The following FUT9 variants were observed in gnomAD, a reference collection of about 807,000 sequenced individuals.
The protein encoded by FUT9 is 4-galactosyl-N-acetylglucosaminide 3-alpha-L-fucosyltransferase 9.
Under a neutral mutation model 29.7 loss-of-function variants are expected in FUT9, and 15 were observed. The ratio of observed to expected loss-of-function variants is 0.51; its 90% CI spans 0.34 to 0.78. The LOEUF (loss-of-function observed/expected upper bound fraction) is 0.78. Ranked by LOEUF, FUT9 falls within the 30% of genes least tolerant of loss-of-function variation. The pLI, the probability that FUT9 is intolerant of heterozygous loss-of-function variation, is 0.01. For missense variants in FUT9, 319 were observed against 425.4 expected (o/e 0.75, Z 2.20); for synonymous variants, 169 against 153.7 (o/e 1.10, Z -0.74).
chr6:96,101,310 G>A (rs908168642), intron 1 of FUT9, among the ~76,000 whole-genome samples: 4 of 152,010 alleles, frequency 2.6e-5, no homozygotes, highest in African/African-American at 7.2e-5. Context: ...AGGCCAAGGT[G>A]GGTGGATCAC....
In FUT9 at chr6:96,214,068, T is replaced by C. The variant is rs1773990616; in HGVS notation, c.*9833T>C. The C allele has an allele frequency of 6.0e-6, 1 of 167,002 alleles. No individual in the cohort carries two copies. The highest frequency in any genetic ancestry group is 2.4e-5 in the African/African-American group (1 of 41,456). 10.3% of individuals were successfully genotyped at this position (167,002 alleles called of 1,614,324 possible). ...ATAGTGCTAATGAGCCAATAAACAA[T>C]GCTGCGTTTCTTTTTTCTAACTGCA... On this transcript the variant is annotated 3_prime_UTR_variant, in exon 3 of 3. Transcript: ENST00000302103.
intron 1 of FUT9, among the ~76,000 whole-genome samples, chr6:96,047,221 T>C (rs1381759755): frequency 2.6e-5 from 4 of 152,192 alleles, no homozygotes; most frequent in African/African-American, 9.7e-5. Context: ...AGTAGTGTTA[T>C]CCAATTATAG....
rs1210153939 is a variant in FUT9 at position 96,203,474 on chromosome 6, C to T, written c.319C>T (p.Leu107=). ...ACTGTACAACAAATCCCATGCAGTT[C>T]TGATCCATCACCGAGACATCAGTTG... ...RSLYNKSHAV[L]IHHRDISWDL... Residue 107 remains leucine, a synonymous_variant, in exon 3 of 3, where the codon CTG becomes TTG. Coordinates refer to ENST00000302103, the MANE Select transcript of FUT9 (RefSeq NM_006581.4). 1.2e-6 allele frequency: 2 copies of T among 1,609,754 alleles called. No individual in the cohort carries two copies. The highest frequency in any genetic ancestry group is 1.7e-6 in the Non-Finnish European group (2 of 1,177,758).
chr6:96,076,189 AT>A, intron 1 of FUT9, among the ~76,000 whole-genome samples: 1 of 152,292 alleles, frequency 6.6e-6, no homozygotes, highest in Middle Eastern at 3.4e-3. Flanking sequence ...GCATGTTTGC[AT>A]TTTCTACACC....
At chr6:96,022,008 C>T (rs1770077939) in intron 1 of FUT9, among the ~76,000 whole-genome samples, 1 of 151,936 alleles carries the variant, frequency 6.6e-6, no homozygotes, top group African/African-American at 2.4e-5. Context: ...AACTTGTTGA[C>T]TGTTTTATGA....
intron 2 of FUT9, among the ~76,000 whole-genome samples, chr6:96,191,878 G>C (rs1773517645): frequency 6.6e-6 from 1 of 152,084 alleles, no homozygotes; most frequent in East Asian, 1.9e-4. Flanking sequence ...TTCATCCCTG[G>C]GATGCAAGGC....
chr6:96,073,342 G>A (rs956221422), intron 1 of FUT9, among the ~76,000 whole-genome samples: 9 of 151,884 alleles, frequency 5.9e-5, no homozygotes, highest in East Asian at 3.9e-4. Context: ...CCAGCTACTC[G>A]GGAGGCTGAG....
At chr6:96,161,075 A>G (rs183983209) in intron 2 of FUT9, among the ~76,000 whole-genome samples, 8 of 152,314 alleles carry the variant, frequency 5.3e-5, no homozygotes, top group Admixed American at 2.6e-4. Context: ...AAGAGTAGAA[A>G]CAGTAATTGG....
chr6:96,191,158 G>T (rs540653700), intron 2 of FUT9, among the ~76,000 whole-genome samples: 1 of 152,046 alleles, frequency 6.6e-6, no homozygotes, highest in African/African-American at 2.4e-5. Context: ...GTTTGCTGGA[G>T]GTCCACTCTA....
rs1191232746 is a variant in FUT9, at chr6:96,208,375, GA to G, written c.*4141del. The G allele has an allele frequency of 6.0e-6, 1 of 166,416 alleles. No homozygotes were observed. Among genetic ancestry groups the G allele is most frequent in the Non-Finnish European group, 1.5e-5 (1 of 67,940 alleles). 10.3% of individuals were successfully genotyped at this position (166,416 alleles called of 1,614,324 possible). ...TTCCCTTGAACTCTGATCTCATTTT[GA>G]GAAACATTTTGAGAAACTTCTTAAC... On this transcript the variant is annotated 3_prime_UTR_variant, in exon 3 of 3. Coordinates refer to ENST00000302103, the MANE Select transcript of FUT9 (RefSeq NM_006581.4).
At chr6:96,067,239 A>T (rs4269378) in intron 1 of FUT9, among the ~76,000 whole-genome samples, 1 of 150,702 alleles carries the variant, frequency 6.6e-6, no homozygotes, top group Non-Finnish European at 1.5e-5. Flanking sequence ...GTATACGCAC[A>T]TACTCATGTT....
intron 1 of FUT9, among the ~76,000 whole-genome samples, chr6:96,104,488 A>T (rs1433404216): frequency 6.6e-6 from 1 of 152,208 alleles, no homozygotes; most frequent in Non-Finnish European, 1.5e-5. Context: ...ATTGATGAAA[A>T]ATGTTGGCAG....
chr6:96,164,425 A>T lies in FUT9; in HGVS notation c.-8-38723A>T, dbSNP rs550075771. ...AGGCGCCTGCCACCGCTCCCGGCTA[A>T]TTTTTTGTATTTGTAGCAGAGATGG... is the stretch of plus-strand genomic sequence containing the variant. On this transcript the variant is annotated intron_variant, in intron 2 of 2. Coordinates refer to ENST00000302103, the MANE Select transcript of FUT9 (RefSeq NM_006581.4). 1.5e-3 allele frequency among the ~76,000 whole-genome samples: 233 copies of T among 151,898 alleles called. 2 individuals carry two copies. The highest frequency in any genetic ancestry group is 6.8e-3 in the Middle Eastern group (2 of 294).
intron 2 of FUT9, among the ~76,000 whole-genome samples, chr6:96,197,715 T>G (rs1422548812): frequency 6.6e-6 from 1 of 152,194 alleles, no homozygotes; most frequent in Non-Finnish European, 1.5e-5. Context: ...AGGGAAAATC[T>G]CTTCCAACCC....
chr6:96,108,603 T>G (rs547886302), intron 1 of FUT9, among the ~76,000 whole-genome samples: 11 of 152,258 alleles, frequency 7.2e-5, no homozygotes, highest in African/African-American at 2.6e-4. Flanking sequence ...TCACCTTCAC[T>G]GCCTTGTGCA....
chr6:96,194,282 T>C (rs1346025471), intron 2 of FUT9, among the ~76,000 whole-genome samples: 1 of 152,136 alleles, frequency 6.6e-6, no homozygotes, highest in Admixed American at 6.6e-5. Context: ...TTTCCAAAGT[T>C]TCTGATTTCA....
intron 1 of FUT9, among the ~76,000 whole-genome samples, chr6:96,061,087 T>C (rs1011536062): frequency 6.6e-6 from 1 of 151,650 alleles, no homozygotes; most frequent in Non-Finnish European, 1.5e-5. Flanking sequence ...AGTAATTCCA[T>C]GGGATATTAT....
chr6:96,026,185 T>C (rs776476073), intron 1 of FUT9, among the ~76,000 whole-genome samples: 6 of 151,674 alleles, frequency 4.0e-5, no homozygotes, highest in Non-Finnish European at 8.9e-5. Flanking sequence ...TGGAAAATTG[T>C]CTCCCAGTAG....
chr6:96,060,918 C>A (rs1361574412), intron 1 of FUT9, among the ~76,000 whole-genome samples: 1 of 152,100 alleles, frequency 6.6e-6, no homozygotes, highest in African/African-American at 2.4e-5. Flanking sequence ...ATAAAAAAGA[C>A]TTTTTATAAC....
Sources: allele counts gnomAD v4.1 joint callset (sites outside exome capture counted in the v4.1 genomes callset), GRCh38; gene constraint gnomAD v4.1.1; transcripts MANE v1.5; gene names NCBI Gene and HGNC (gene_info 2026-07-23, HGNC 2026-07-21).